The following TACC2 variants were observed in gnomAD, a reference collection of about 807,000 sequenced individuals.
The protein encoded by TACC2 is transforming acidic coiled-coil-containing protein 2.
A neutral mutation model predicts 227.3 loss-of-function variants in TACC2; 137 were observed. The ratio of observed to expected loss-of-function variants is 0.60; its 90% CI spans 0.52 to 0.69. The LOEUF (loss-of-function observed/expected upper bound fraction) is 0.69, where lower values mean the gene tolerates loss of function less well. Ranked by LOEUF, TACC2 falls within the 30% of genes least tolerant of loss-of-function variation. The pLI is 0.00. For missense variants in TACC2, 3,470 were observed against 3,694.4 expected, an observed-to-expected ratio of 0.94 and a Z score of 1.57; for synonymous variants, 1,523 against 1,487.5, an observed-to-expected ratio of 1.02 and a Z score of -0.55.
At chr10:122,088,384 C>A in intron 4 of TACC2, 94 bp from the exon 5 acceptor site, 3 of 1,189,020 alleles carry the variant, frequency 2.5e-6, no homozygotes, top group Non-Finnish European at 3.4e-6. Context: ...CCACTTAAAA[C>A]TTTAATTGAG....
intron 5 of TACC2, among the ~76,000 whole-genome samples, chr10:122,094,609 T>C (rs2081182600): frequency 6.6e-6 from 1 of 152,186 alleles, no homozygotes; most frequent in Admixed American, 6.5e-5. Context: ...AGTGGGTTCA[T>C]GAAGCATCTG....
chr10:122,126,693 G>A (rs1419781672), intron 5 of TACC2: 1 of 152,018 alleles, frequency 6.6e-6, no homozygotes, highest in East Asian at 1.9e-4. Flanking sequence ...GAGGGAGGGA[G>A]AAGCTTTTTT....
intron 7 of TACC2, among the ~76,000 whole-genome samples, chr10:122,186,085 C>G (rs554466492): frequency 1.3e-4 from 20 of 151,804 alleles, no homozygotes; most frequent in Non-Finnish European, 2.6e-4. Flanking sequence ...CCCACCAGTA[C>G]GCCTGGCTAA....
intron 3 of TACC2, among the ~76,000 whole-genome samples, chr10:122,080,912 A>G (rs113570175): frequency 2.6e-4 from 40 of 152,354 alleles, no homozygotes; most frequent in African/African-American, 9.1e-4. Flanking sequence ...AAAAGATTCC[A>G]TAAATTTTCC....
At chr10:121,997,745 G>T (rs547594927) in intron 1 of TACC2, among the ~76,000 whole-genome samples, 1 of 152,318 alleles carries the variant, frequency 6.6e-6, no homozygotes, top group East Asian at 1.9e-4. Flanking sequence ...GGACATGCTG[G>T]GGTAGGGGAC....
At chr10:122,011,192 G>A (rs1029784368) in intron 1 of TACC2, among the ~76,000 whole-genome samples, 5 of 110,626 alleles carry the variant, frequency 4.5e-5, no homozygotes, top group African/African-American at 1.3e-4. Context: ...GGGATGCAGG[G>A]TCAGGTAGAC....
At chr10:122,124,563 G>A (rs1488177124) in intron 5 of TACC2, among the ~76,000 whole-genome samples, 2 of 152,192 alleles carry the variant, frequency 1.3e-5, no homozygotes, top group African/African-American at 4.8e-5. Flanking sequence ...AGCCCCAAGT[G>A]TCCAGCTAGG....
chr10:122,087,987 A>G (rs777597992), intron 4 of TACC2, 28 bp downstream of exon 4: 1 of 1,492,936 alleles, frequency 6.7e-7, no homozygotes, highest in Admixed American at 2.4e-5. Context: ...TTCCCACGGG[A>G]ATGTGTGGTC....
intron 7 of TACC2, among the ~76,000 whole-genome samples, chr10:122,182,223 G>A (rs1565530829): frequency 6.6e-6 from 1 of 152,164 alleles, no homozygotes; most frequent in African/African-American, 2.4e-5. Context: ...CAGCTACTCT[G>A]GGCAGGACCC....
intron 7 of TACC2, among the ~76,000 whole-genome samples, chr10:122,187,496 C>T: frequency 6.7e-6 from 1 of 149,934 alleles, no homozygotes; most frequent in African/African-American, 2.4e-5. Flanking sequence ...TTCTTTCTTT[C>T]TTTTTTTTTT....
Position 122,210,087 on chromosome 10 carries a change from A to G in TACC2, c.5972-310A>G. 2.4e-6 allele frequency: 1 copy of G among 410,584 alleles called. No homozygotes were observed. Among genetic ancestry groups the G allele is most frequent in the South Asian group, 2.8e-5 (1 of 35,786 alleles). 25.4% of individuals were successfully genotyped at this position (410,584 alleles called of 1,614,324 possible). A position where few individuals can be genotyped will look rare whatever the true frequency, so the allele number is the denominator to read the frequency against. ...GTTCCTTGTTGAATCTCTAGTACCT[A>G]GAACCATGTCTGGTCCTGATTAGGC... On this transcript the variant is annotated intron_variant, in intron 8 of 22. Coordinates refer to ENST00000369005, the MANE Select transcript of TACC2 (RefSeq NM_206862.4). This position sits in a 1 kb window ranked among gnomAD's most constrained non-coding sequence, Gnocchi z 4.6.
chr10:122,163,735 G>A (rs543498450), intron 7 of TACC2: 4 of 1,145,244 alleles, frequency 3.5e-6, no homozygotes, highest in South Asian at 4.3e-5. Flanking sequence ...CTCGCCCCCC[G>A]GCCCCCGGCT....
intron 1 of TACC2, among the ~76,000 whole-genome samples, chr10:122,017,146 C>T (rs1309270655): frequency 6.6e-5 from 10 of 152,180 alleles, no homozygotes; most frequent in Non-Finnish European, 1.5e-4. Context: ...AGCAGCCTCT[C>T]CTCTCTGCTC....
intron 3 of TACC2, among the ~76,000 whole-genome samples, chr10:122,056,905 G>A (rs2076264588): frequency 6.6e-6 from 1 of 152,122 alleles, no homozygotes; most frequent in African/African-American, 2.4e-5. Flanking sequence ...TTTAAACAAG[G>A]GCTGGGCTGG....
intron 5 of TACC2, among the ~76,000 whole-genome samples, chr10:122,121,808 G>T (rs1222556889): frequency 6.6e-6 from 1 of 152,136 alleles, no homozygotes; most frequent in East Asian, 1.9e-4. Flanking sequence ...TGTTGTTGGT[G>T]GTCACGATTC....
intron 7 of TACC2, among the ~76,000 whole-genome samples, chr10:122,161,725 G>A (rs1356685458): frequency 6.6e-6 from 1 of 152,194 alleles, no homozygotes; most frequent in African/African-American, 2.4e-5. Flanking sequence ...TTCTAATTGT[G>A]GTTCCTCATT....
chr10:122,157,655 G>A (rs1431650563), intron 7 of TACC2, among the ~76,000 whole-genome samples: 1 of 152,004 alleles, frequency 6.6e-6, no homozygotes, highest in Non-Finnish European at 1.5e-5. Flanking sequence ...GCACTTCCAC[G>A]CTTACCTCAC....
intron 8 of TACC2, among the ~76,000 whole-genome samples, chr10:122,201,169 C>T (rs1243569964): frequency 6.7e-6 from 1 of 149,382 alleles, no homozygotes; most frequent in Non-Finnish European, 1.5e-5. Flanking sequence ...AGGACGGCCA[C>T]CTCACCTGCC....
chr10:122,061,772 G>T (rs888269011), intron 3 of TACC2, among the ~76,000 whole-genome samples: 3 of 152,144 alleles, frequency 2.0e-5, no homozygotes, highest in African/African-American at 7.2e-5. Flanking sequence ...AATAATTCTA[G>T]AACAAGCTAA....
Sources: allele counts gnomAD v4.1 joint callset (sites outside exome capture counted in the v4.1 genomes callset), GRCh38; gene constraint gnomAD v4.1.1; non-coding constraint Gnocchi (gnomAD v3.1); transcripts MANE v1.5; gene names NCBI Gene and HGNC (gene_info 2026-07-23, HGNC 2026-07-21).